The following CEACAM20 variants were observed in gnomAD, a reference collection of about 807,000 sequenced individuals.
CEACAM20 encodes cell adhesion molecule CEACAM20.
CEACAM20 carries 50 observed loss-of-function variants against 61.2 expected under a neutral mutation model. The ratio of observed to expected loss-of-function variants is 0.82; its 90% CI spans 0.65 to 1.03. The LOEUF is 1.03. CEACAM20 is among the 50% of genes least tolerant of loss of function. The pLI is 0.00. For missense variants in CEACAM20, 683 were observed against 736.4 expected, an observed-to-expected ratio of 0.93 and a Z score of 0.84; for synonymous variants, 282 against 287.7, an observed-to-expected ratio of 0.98 and a Z score of 0.20.
Position 44,525,192 on chromosome 19 carries a change from A to C in CEACAM20, c.105T>G (p.Asn35Lys), listed in dbSNP as rs1193486757. ...SPPAAAQLTLNANPLDATQSE... is the reference protein window; with the variant it reads ...SPPAAAQLTLKANPLDATQSE... ...TTTGGGTGGCATCAAGTGGGTTGGC[A>C]TTGAGGGTGAGCTGGGCTGCAGCTG... The change falls in exon 2 of 12, where the codon AAT becomes AAG. Residue 35 changes from asparagine (N) to lysine (K), a missense_variant. Physicochemically the swap from Asn to Lys is moderately conservative, Grantham distance 94 (BLOSUM62 0). Transcript: ENST00000614924. 1 of 1,609,810 alleles carries C rather than the reference A, an allele frequency of 6.2e-7. No homozygotes were observed. The highest frequency in any genetic ancestry group is 8.5e-7 in the Non-Finnish European group (1 of 1,178,320).
chr19:44,523,931 G>A (rs1369682472), intron 3 of CEACAM20, 55 bp downstream of exon 3: 12 of 1,499,236 alleles, frequency 8.0e-6, no homozygotes, highest in African/African-American at 6.9e-5. Flanking sequence ...GACTGAACGA[G>A]GCACTAAGCA....
chr19:44,511,044 C>G lies in CEACAM20; in HGVS notation c.1723G>C (p.Glu575Gln), dbSNP rs1970980746. Residue 575 changes from glutamate to glutamine, a missense_variant, in exon 11 of 12, where the codon GAG (glutamate) becomes CAG (glutamine). Physicochemically the swap from Glu to Gln is conservative, Grantham distance 29. Transcript: ENST00000614924. ...RLVSTVPKNMESIYEELVNPE... is the reference protein window; with the variant it reads ...RLVSTVPKNMQSIYEELVNPE... ...CATAAACATACCTCATAGATTGACT[C>G]CATGTTTTTTGGCACAGTGGAGACC... The G allele has an allele frequency of 1.2e-6, 2 of 1,613,930 alleles. No individual in the cohort carries two copies. The highest frequency in any genetic ancestry group is 1.7e-6 in the Non-Finnish European group (2 of 1,179,856).
At chr19:44,514,921 C>T (rs774626506) in intron 6 of CEACAM20, among the ~76,000 whole-genome samples, 1 of 152,166 alleles carries the variant, frequency 6.6e-6, no homozygotes, top group Non-Finnish European at 1.5e-5. Context: ...GCAACCACTG[C>T]AACCTCGCTG....
intron 5 of CEACAM20, among the ~76,000 whole-genome samples, chr19:44,517,627 G>A (rs185736451): frequency 2.8e-4 from 42 of 151,546 alleles, no homozygotes; most frequent in Middle Eastern, 6.8e-3. Context: ...AACATGGGTG[G>A]TGGAGGTTGC....
In CEACAM20 at chr19:44,517,198, T is replaced by G. The variant is rs1251504297; in HGVS notation, c.1057A>C (p.Arg353=). 2.5e-6 allele frequency: 4 copies of G among 1,608,604 alleles called. No homozygotes were observed. In the South Asian group the frequency reaches 4.4e-5, roughly 18 times the overall value. ...CTGATCATCTCAGATGCCGACTCCC[T>G]GGTGATGTGCACTTGGTCAGGACCA... ...NYGPDQVHIT[R]ESASEMISTI... is the part of the protein sequence containing the mutation. Residue 353 remains arginine, a synonymous_variant, in exon 6 of 12, where the codon AGG becomes CGG. Transcript: ENST00000614924.
At chr19:44,524,989 C>T (rs1971483002) in intron 2 of CEACAM20, 112 bp downstream of exon 2, 3 of 1,364,994 alleles carry the variant, frequency 2.2e-6, no homozygotes, top group Non-Finnish European at 3.0e-6. Context: ...TGTTGCTGGA[C>T]CCTGGCTGAG....
chr19:44,510,239 G>T (rs1481377235), intron 11 of CEACAM20, among the ~76,000 whole-genome samples: 1 of 152,010 alleles, frequency 6.6e-6, no homozygotes, highest in African/African-American at 2.4e-5. Context: ...GAGCCAGGCA[G>T]GGTGGCTCAT....
At chr19:44,523,408 C>CG (rs1971429369) in intron 3 of CEACAM20, among the ~76,000 whole-genome samples, 1 of 124,438 alleles carries the variant, frequency 8.0e-6, no homozygotes, top group East Asian at 2.9e-4. Flanking sequence ...AATCTTGTCT[C>CG]AAATGAATGA....
chr19:44,520,776 G>A, intron 4 of CEACAM20, 24 bp from the exon 5 acceptor site: 6 of 1,602,332 alleles, frequency 3.7e-6, no homozygotes, highest in Non-Finnish European at 5.1e-6. Context: ...GAGATACACA[G>A]TCAGGTTCAG....
chr19:44,516,303 ACT>A, intron 6 of CEACAM20, among the ~76,000 whole-genome samples: 1 of 152,124 alleles, frequency 6.6e-6, no homozygotes, highest in East Asian at 1.9e-4. Flanking sequence ...CTTCTAAGCA[ACT>A]CTGAAAGATA....
intron 5 of CEACAM20, among the ~76,000 whole-genome samples, chr19:44,517,642 A>G (rs1169357396): frequency 6.6e-6 from 1 of 151,256 alleles, no homozygotes; most frequent in Non-Finnish European, 1.5e-5. Context: ...GGTTGCAGTG[A>G]GCCAAGCTCA....
At chr19:44,529,400 G>C (rs1971646336) in intron 1 of CEACAM20, 58 bp downstream of exon 1, 19 of 1,311,586 alleles carry the variant, frequency 1.4e-5, no homozygotes, top group East Asian at 2.4e-5. Context: ...ACACACCGCT[G>C]ACAAATAGAT....
intron 8 of CEACAM20, among the ~76,000 whole-genome samples, chr19:44,512,392 G>C (rs1971028587): frequency 6.6e-6 from 1 of 152,102 alleles, no homozygotes; most frequent in African/African-American, 2.4e-5. Flanking sequence ...GGGCTGGATT[G>C]GACAGTTTCT....
rs775918993 is a variant in CEACAM20 at position 44,524,069 on chromosome 19, C to T, written c.389G>A (p.Arg130Gln). ...GKILTILIVQ[R>Q]EDSGTYQCEA... ...ACATTGGTAAGTCCCTGAGTCCTCC[C>T]GCTGGACAATGAGAATGGTGAGGAT... Residue 130 changes from arginine to glutamine, a missense_variant, in exon 3 of 12, where the codon CGG becomes CAG. Physicochemically the swap from Arg to Gln is conservative, Grantham distance 43. Transcript: ENST00000614924. 73 of 1,578,384 alleles carry T rather than the reference C, an allele frequency of 4.6e-5. No individual in the cohort carries two copies. In the South Asian group the frequency reaches 6.3e-4, roughly 14 times the overall value.
intron 11 of CEACAM20, among the ~76,000 whole-genome samples, chr19:44,510,609 AAAAAGGAAGGAAGG>A (rs146752643): frequency 0.082 from 5,182 of 62,924 alleles, 259 homozygotes; most frequent in East Asian, 0.12. Context: ...AGAAAGAAAG[AAAAAGGAAGGAAGG>A]AAGAAAGAAA....
intron 4 of CEACAM20, among the ~76,000 whole-genome samples, chr19:44,521,146 TTGTTTGTGTTATG>T (rs1297504457): frequency 1.3e-5 from 2 of 152,094 alleles, no homozygotes; most frequent in Non-Finnish European, 2.9e-5. Context: ...GTCTGTGGTA[TTGTTTGTGTTATG>T]TGTTTGTGTT....
chr19:44,520,822 A>C (rs1272410784), intron 4 of CEACAM20, 70 bp from the exon 5 acceptor site: 3 of 1,518,448 alleles, frequency 2.0e-6, no homozygotes, highest in South Asian at 2.4e-5. Flanking sequence ...TGTGGGGCCC[A>C]CAAGTTTTTC....
intron 2 of CEACAM20, 95 bp from the exon 3 acceptor site, chr19:44,524,356 T>C (rs755977125): frequency 3.7e-6 from 5 of 1,355,414 alleles, no homozygotes; most frequent in Non-Finnish European, 5.1e-6. Context: ...CAGGACTAGA[T>C]TGGAATTGCC....
At position 44,514,705 on chromosome 19, in the gene CEACAM20, C is replaced by T. The variant is rs141660261; in HGVS notation, c.1310-1416G>A. On this transcript the variant is annotated intron_variant, in intron 6 of 11. Transcript: ENST00000614924. Reference sequence around the variant, plus strand: ...AACTCCTGACCTCAGGTGATCCACCCTCCTCGACCTCCCAAACTGCTCAGA... The same window carrying T: ...AACTCCTGACCTCAGGTGATCCACCTTCCTCGACCTCCCAAACTGCTCAGA... 3.4e-3 allele frequency among the ~76,000 whole-genome samples: 510 copies of T among 151,912 alleles called. 2 individuals carry two copies. The highest frequency in any genetic ancestry group is 0.012 in the African/African-American group (491 of 41,432).
Sources: allele counts gnomAD v4.1 joint callset (sites outside exome capture counted in the v4.1 genomes callset), GRCh38; gene constraint gnomAD v4.1.1; transcripts MANE v1.5; gene names NCBI Gene and HGNC (gene_info 2026-07-23, HGNC 2026-07-21).